ITIH6: variants seen among roughly 807,000 people sequenced by gnomAD.
The protein encoded by ITIH6 is inter-alpha-trypsin inhibitor heavy chain H6.
A neutral mutation model predicts 58.2 loss-of-function variants in ITIH6; 60 were observed. That is an observed-to-expected ratio of 1.03 (90% confidence interval 0.84 to 1.28). The LOEUF is 1.28. Ranked by LOEUF, ITIH6 falls within the 50% of genes most tolerant of loss-of-function variation. The pLI is 0.00. For synonymous variants in ITIH6, 493 were observed against 417.4 expected (o/e 1.18, Z -2.21); for missense variants, 1,290 against 1,021.1 (o/e 1.26, Z -3.59).
chrX:54,754,181 CCTG>C (rs1386410097), intron 9 of ITIH6, among the ~76,000 whole-genome samples: 1 of 111,746 alleles, frequency 8.9e-6, no homozygotes, highest in African/African-American at 3.3e-5. Flanking sequence ...ACCCTTTACT[CCTG>C]TTTTTCCTGC....
intron 9 of ITIH6, 37 bp from the exon 10 acceptor site, chrX:54,754,002 A>C: frequency 2.6e-6 from 3 of 1,174,997 alleles, no homozygotes; most frequent in Non-Finnish European, 3.5e-6. Flanking sequence ...GGAAGGGACT[A>C]ATGTATCACA....
intron 6 of ITIH6, among the ~76,000 whole-genome samples, chrX:54,767,231 T>C (rs1928811856): frequency 9.6e-6 from 1 of 104,670 alleles, no homozygotes; most frequent in African/African-American, 3.7e-5. Flanking sequence ...GGATCGGTGG[T>C]GATATCCCCT....
At chrX:54,794,242 C>T (rs1302863712) in intron 2 of ITIH6, among the ~76,000 whole-genome samples, 1 of 110,648 alleles carries the variant, frequency 9.0e-6, no homozygotes. Context: ...ACACTGGGGC[C>T]TCTGTGTGTG....
Position 54,757,605 on chromosome X carries a change from G to A in ITIH6, c.2469C>T (p.His823=). 8.3e-7 allele frequency: 1 copy of A among 1,211,360 alleles called. No homozygotes were observed. Among genetic ancestry groups the A allele is most frequent in the African/African-American group, 1.7e-5 (1 of 57,675 alleles). ...STLQVPKYPL[H]TRPRVPAPKT... is the part of the protein sequence containing the mutation. ...TGGGAGCAGGAACCCTAGGTCTGGT[G>A]TGTAGTGGGTACTTGGGAACCTGAA... Residue 823 remains histidine, a synonymous_variant, in exon 8 of 13, where the codon CAC becomes CAT. Transcript: ENST00000218436.
chrX:54,778,650 G>A (rs1929096440), intron 5 of ITIH6, among the ~76,000 whole-genome samples: 1 of 111,984 alleles, frequency 8.9e-6, no homozygotes, highest in Non-Finnish European at 1.9e-5. Flanking sequence ...AATAGCCACA[G>A]ATAGGCAAAT....
intron 2 of ITIH6, among the ~76,000 whole-genome samples, chrX:54,796,159 T>G (rs1460408628): frequency 8.9e-6 from 1 of 111,797 alleles, no homozygotes; most frequent in Admixed American, 9.5e-5. Flanking sequence ...GTCACTGTGC[T>G]GGGCCAGTTT....
chrX:54,784,293 G>C (rs758762090), intron 5 of ITIH6, among the ~76,000 whole-genome samples: 8 of 111,725 alleles, frequency 7.2e-5, no homozygotes, highest in Non-Finnish European at 3.8e-5. Flanking sequence ...AAAATTTCTT[G>C]AATAATGCCC....
At chrX:54,761,510 C>A (rs1244387534) in intron 6 of ITIH6, among the ~76,000 whole-genome samples, 1 of 111,336 alleles carries the variant, frequency 9.0e-6, no homozygotes, top group African/African-American at 3.3e-5. Context: ...GAAGTCCTTG[C>A]CCATGCCTAC....
rs1312157619 is a variant in ITIH6 at position 54,761,879 on chromosome X, T to C, written c.904-1952A>G. 8.1e-5 allele frequency among the ~76,000 whole-genome samples: 9 copies of C among 111,673 alleles called. No individual in the cohort carries two copies. In the East Asian group the frequency reaches 2.5e-3, roughly 31 times the overall value. The stretch of plus-strand genomic sequence containing the variant: ...TTTGAAGTCAGGTAGTGTGATGCCT[T>C]CAGCTTTGTTCTTTTGGCTTAAGAC... On this transcript the variant is annotated intron_variant, in intron 6 of 12. Transcript: ENST00000218436.
At chrX:54,795,841 T>C (rs1467336608) in intron 2 of ITIH6, among the ~76,000 whole-genome samples, 3 of 111,208 alleles carry the variant, frequency 2.7e-5, no homozygotes, top group Non-Finnish European at 5.7e-5. Context: ...CCCAGCATAC[T>C]TTATTAAAGT....
intron 5 of ITIH6, among the ~76,000 whole-genome samples, chrX:54,775,079 C>G (rs1343126666): frequency 3.6e-5 from 4 of 111,833 alleles, no homozygotes; most frequent in Non-Finnish European, 5.7e-5. Flanking sequence ...ATCTGCTCTT[C>G]CCCCTCCACC....
intron 6 of ITIH6, among the ~76,000 whole-genome samples, chrX:54,760,869 G>C (rs1189434414): frequency 7.2e-5 from 8 of 111,621 alleles, no homozygotes; most frequent in African/African-American, 2.6e-4. Flanking sequence ...CCAAGTCTTT[G>C]CTATTGTGAA....
At chrX:54,761,931 G>T (rs768953450) in intron 6 of ITIH6, among the ~76,000 whole-genome samples, 1 of 111,504 alleles carries the variant, frequency 9.0e-6, no homozygotes, top group Non-Finnish European at 1.9e-5. Context: ...GCTCTTTTTT[G>T]GTTCCATATG....
chrX:54,782,282 G>T (rs1404698692), intron 5 of ITIH6, among the ~76,000 whole-genome samples: 2 of 111,260 alleles, frequency 1.8e-5, no homozygotes, highest in Non-Finnish European at 3.8e-5. Flanking sequence ...AGGGCGTGGT[G>T]GTGCATGCCT....
rs760779274 is a variant in ITIH6 at position 54,755,033 on chromosome X, A to G, written c.3186T>C (p.Ser1062=). The change falls in exon 9 of 13, where the codon TCT becomes TCC. Residue 1062 remains serine, a synonymous_variant. Coordinates refer to ENST00000218436, the MANE Select transcript of ITIH6 (RefSeq NM_198510.3). ...CTTGCTCACCTTTTGCTAACCCCAC[A>G]GAACTTCCTTGAGATTCCATGCTGC... ...AGGSMESQGS[S]VGLAKGTLPS... 10 of 1,208,878 alleles carry G rather than the reference A, an allele frequency of 8.3e-6. No individual in the cohort carries two copies. The highest frequency in any genetic ancestry group is 1.1e-5 in the Non-Finnish European group (10 of 893,854).
chrX:54,791,649 C>T (rs1340381119), intron 3 of ITIH6, among the ~76,000 whole-genome samples: 1 of 112,062 alleles, frequency 8.9e-6, no homozygotes, highest in South Asian at 3.8e-4. Context: ...ATCTCACTTG[C>T]ATATAACCTT....
At chrX:54,781,440 CAAAAG>C (rs1417958670) in intron 5 of ITIH6, among the ~76,000 whole-genome samples, 1 of 112,199 alleles carries the variant, frequency 8.9e-6, no homozygotes, top group African/African-American at 3.2e-5. Flanking sequence ...AGACACTTCT[CAAAAG>C]AAGACATACA....
intron 6 of ITIH6, among the ~76,000 whole-genome samples, chrX:54,762,994 C>G (rs1271647392): frequency 2.7e-5 from 3 of 112,091 alleles, no homozygotes; most frequent in African/African-American, 9.7e-5. Context: ...GGTGATGACA[C>G]TGAGACTCAG....
At position 54,749,667 on chromosome X, in the gene ITIH6, T is replaced by G. The variant is rs977273581; in HGVS notation, c.*228A>C. ...GTGAGGAGCATGGATTTGGAGAGGG[T>G]GAGACTGGAGATGTGAAGGACCATG... is the stretch of plus-strand genomic sequence containing the variant. On this transcript the variant is annotated 3_prime_UTR_variant, in exon 13 of 13. Transcript: ENST00000218436. 2.8e-6 allele frequency: 1 copy of G among 354,671 alleles called. No individual in the cohort carries two copies. The allele number at this position is 354,671 out of a possible 1,213,427, so 29.2% of individuals were successfully genotyped here.
Sources: allele counts gnomAD v4.1 joint callset (sites outside exome capture counted in the v4.1 genomes callset), GRCh38; gene constraint gnomAD v4.1.1; transcripts MANE v1.5; gene names NCBI Gene and HGNC (gene_info 2026-07-23, HGNC 2026-07-21).